Variants in ALG9 observed in about 807,000 individuals in gnomAD.
ALG9 encodes the protein ALG9 alpha-1,2-mannosyltransferase.
Under a neutral mutation model 81.8 loss-of-function variants are expected in ALG9, and 55 were observed. That is an observed-to-expected ratio of 0.67 (90% CI 0.54 to 0.84). ALG9 has a LOEUF of 0.84. Among genes scored for constraint, ALG9 ranks in the 40% least tolerant of loss-of-function variants. ALG9 has a pLI of 0.00. For synonymous variants in ALG9, 278 were observed against 274.3 expected, an observed-to-expected ratio of 1.01 and a Z score of -0.13; for missense variants, 629 against 745.0, an observed-to-expected ratio of 0.84 and a Z score of 1.81.
chr11:111,830,925 C>T (rs1954239453), intron 13 of ALG9, among the ~76,000 whole-genome samples: 1 of 152,142 alleles, frequency 6.6e-6, no homozygotes, highest in African/African-American at 2.4e-5. Flanking sequence ...AATCCCGCCA[C>T]TTTGGGAGGT....
intron 8 of ALG9, among the ~76,000 whole-genome samples, chr11:111,850,777 C>A (rs1185940754): frequency 2.8e-5 from 4 of 144,138 alleles, no homozygotes; most frequent in Non-Finnish European, 4.5e-5. Context: ...TAAAGGCACA[C>A]AAATCCTGCC....
chr11:111,865,077 A>G, intron 4 of ALG9, 104 bp downstream of exon 4: 1 of 978,776 alleles, frequency 1.0e-6, no homozygotes, highest in Non-Finnish European at 1.5e-6. Flanking sequence ...GCACCCGGTC[A>G]AGAGTTTTCT....
chr11:111,836,295 C>T lies in ALG9; in HGVS notation c.1473-1G>A, dbSNP rs1225624816. 1 of 1,613,996 alleles carries T rather than the reference C, an allele frequency of 6.2e-7. No individual in the cohort carries two copies. The highest frequency in any genetic ancestry group is 8.5e-7 in the Non-Finnish European group (1 of 1,179,946). Reference sequence around the variant, plus strand: ...TGATGGAATGAACTGAAGCTGCCAACTGTCAGAAACACAAGGAGAATAAGA... The same window carrying T: ...TGATGGAATGAACTGAAGCTGCCAATTGTCAGAAACACAAGGAGAATAAGA... On this transcript the variant is annotated splice_acceptor_variant, in intron 12 of 14. Coordinates refer to ENST00000616540, the MANE Select transcript of ALG9 (RefSeq NM_024740.2). LOFTEE classifies it high-confidence loss of function.
At chr11:111,771,564 A>C in the ALG9 span, among the ~76,000 whole-genome samples, 1 of 152,292 alleles carries the variant, frequency 6.6e-6, no homozygotes, top group African/African-American at 2.4e-5. Flanking sequence ...CTGTGTGAGA[A>C]GGCCAAGTGT....
At chr11:111,793,957 G>T (rs1591817958) in intron 14 of ALG9, among the ~76,000 whole-genome samples, 1 of 152,198 alleles carries the variant, frequency 6.6e-6, no homozygotes, top group African/African-American at 2.4e-5. Flanking sequence ...GTGATTCAGG[G>T]AGACATAAAT....
the ALG9 span, among the ~76,000 whole-genome samples, chr11:111,770,361 A>T: frequency 6.6e-6 from 1 of 152,186 alleles, no homozygotes; most frequent in Non-Finnish European, 1.5e-5. Context: ...GTCAATAAAC[A>T]AGCATCTGCT....
intron 13 of ALG9, among the ~76,000 whole-genome samples, chr11:111,833,034 A>C (rs1954645771): frequency 6.6e-6 from 1 of 152,184 alleles, no homozygotes; most frequent in South Asian, 2.1e-4. Context: ...CCAGTCTCTT[A>C]AAAAAGAAAG....
At chr11:111,776,741 C>G in the ALG9 span, among the ~76,000 whole-genome samples, 1 of 152,180 alleles carries the variant, frequency 6.6e-6, no homozygotes, top group Non-Finnish European at 1.5e-5. Context: ...CCTTCTATAT[C>G]TGGCAGAGCT....
At chr11:111,851,295 A>G (rs1013061938) in intron 8 of ALG9, among the ~76,000 whole-genome samples, 1 of 152,164 alleles carries the variant, frequency 6.6e-6, no homozygotes, top group Non-Finnish European at 1.5e-5. Context: ...CCTGGCCAAC[A>G]TGTCGAAACC....
chr11:111,849,232 G>A (rs1344157821), intron 8 of ALG9, among the ~76,000 whole-genome samples: 3 of 151,970 alleles, frequency 2.0e-5, no homozygotes, highest in African/African-American at 4.8e-5. Flanking sequence ...TGTATTTTTA[G>A]TAGAGATGGG....
chr11:111,793,239 C>G (rs1355604009), intron 14 of ALG9, among the ~76,000 whole-genome samples: 1 of 152,160 alleles, frequency 6.6e-6, no homozygotes, highest in African/African-American at 2.4e-5. Flanking sequence ...ACCTTGGCCT[C>G]CCAAAGTGCT....
intron 14 of ALG9, chr11:111,797,992 C>T (rs1371037761): frequency 1.9e-5 from 3 of 159,342 alleles, no homozygotes; most frequent in Non-Finnish European, 4.2e-5. Flanking sequence ...TTTGTATTTA[C>T]TCTTCATCTA....
intron 14 of ALG9, among the ~76,000 whole-genome samples, chr11:111,789,842 A>G (rs981479657): frequency 4.0e-5 from 6 of 151,602 alleles, no homozygotes; most frequent in Middle Eastern, 3.4e-3. Flanking sequence ...ACTTAAAAAT[A>G]TAGAAAACAG....
intron 14 of ALG9, among the ~76,000 whole-genome samples, chr11:111,791,949 G>A (rs188314506): frequency 3.3e-5 from 5 of 152,338 alleles, no homozygotes; most frequent in African/African-American, 1.2e-4. Flanking sequence ...TGGCTGTGGT[G>A]GCGTGCGCCT....
chr11:111,817,778 T>A (rs1311926755), intron 13 of ALG9, among the ~76,000 whole-genome samples: 19 of 129,622 alleles, frequency 1.5e-4, no homozygotes, highest in Admixed American at 1.1e-3. Context: ...CTTGTATTTC[T>A]TTTTTTTTTT....
chr11:111,833,730 T>C (rs868996040), intron 13 of ALG9, among the ~76,000 whole-genome samples: 4 of 152,348 alleles, frequency 2.6e-5, no homozygotes, highest in Middle Eastern at 3.4e-3. Context: ...ATAAATCACT[T>C]GTTTTTCCCT....
At position 111,784,522 on chromosome 11, in the gene ALG9, A is replaced by C. The variant is rs1555060507; in HGVS notation, c.*1875T>G. On this transcript the variant is annotated 3_prime_UTR_variant, in exon 15 of 15. Transcript: ENST00000616540. ...GACCTGAGGTCAGGAGTCCAAGACC[A>C]GCCTGGCCAACATGGTGAAACTCCA... The C allele has an allele frequency of 6.6e-6, 1 of 152,278 alleles. No individual in the cohort carries two copies. The highest frequency in any genetic ancestry group is 2.4e-5 in the African/African-American group (1 of 41,456). 9.4% of individuals were successfully genotyped at this position (152,278 alleles called of 1,614,324 possible).
intron 13 of ALG9, among the ~76,000 whole-genome samples, chr11:111,812,915 C>CA (rs57311061): frequency 2.7e-4 from 27 of 98,756 alleles, no homozygotes; most frequent in Non-Finnish European, 3.7e-4. Context: ...GACTCTGTCT[C>CA]AAAAAAAAAA....
intron 14 of ALG9, among the ~76,000 whole-genome samples, chr11:111,799,722 C>T (rs1260848005): frequency 6.6e-6 from 1 of 152,126 alleles, no homozygotes; most frequent in African/African-American, 2.4e-5. Flanking sequence ...CCATATATTT[C>T]AATTTATCCA....
Sources: gnomAD v4.1 joint callset for allele counts (sites outside exome capture counted in the v4.1 genomes callset) on GRCh38, gnomAD v4.1.1 for gene constraint, MANE v1.5 for transcripts, NCBI Gene and HGNC (gene_info 2026-07-23, HGNC 2026-07-21) for gene names.